SCFD2: variants seen among roughly 807,000 people sequenced by gnomAD.
SCFD2 encodes sec1 family domain containing 2, also known as sec1 family domain-containing protein 2.
SCFD2 carries 54 observed loss-of-function variants against 58.9 expected under a neutral mutation model. That is an observed-to-expected ratio of 0.92 (90% CI 0.74 to 1.15). The LOEUF is 1.15. Among genes scored for constraint, SCFD2 ranks in the 50% most tolerant of loss-of-function variants. The pLI is 0.00. For synonymous variants in SCFD2, 321 were observed against 335.9 expected, an observed-to-expected ratio of 0.96 and a Z score of 0.49; for missense variants, 805 against 836.6, an observed-to-expected ratio of 0.96 and a Z score of 0.47.
chr4:53,125,230 T>C (rs1458248740), intron 5 of SCFD2, among the ~76,000 whole-genome samples: 3 of 152,276 alleles, frequency 2.0e-5, no homozygotes, highest in African/African-American at 4.8e-5. Context: ...ATTTTAGGCA[T>C]AGGAAATGGT....
intron 5 of SCFD2, among the ~76,000 whole-genome samples, chr4:53,046,659 C>G (rs1039351504): frequency 4.6e-5 from 7 of 151,730 alleles, no homozygotes; most frequent in Non-Finnish European, 7.4e-5. Flanking sequence ...AACAAAGCTA[C>G]GTGTTTTTGT....
chr4:52,989,466 CT>C (rs1175255644), intron 5 of SCFD2, among the ~76,000 whole-genome samples: 1 of 152,148 alleles, frequency 6.6e-6, no homozygotes, highest in Non-Finnish European at 1.5e-5. Context: ...AATGTGATAG[CT>C]TAGGAGTTCA....
At chr4:53,179,332 TGGG>T (rs1442955497) in intron 4 of SCFD2, among the ~76,000 whole-genome samples, 1 of 151,870 alleles carries the variant, frequency 6.6e-6, no homozygotes, top group East Asian at 1.9e-4. Context: ...CAGAAGAGAG[TGGG>T]GACCAATATT....
At chr4:52,898,036 T>G (rs1327910697) in intron 7 of SCFD2, among the ~76,000 whole-genome samples, 2 of 152,238 alleles carry the variant, frequency 1.3e-5, no homozygotes, top group Non-Finnish European at 2.9e-5. Flanking sequence ...TCTATTTGAT[T>G]CTTCTCTCTT....
At chr4:53,352,873 T>A in intron 1 of SCFD2, 107 bp from the exon 2 acceptor site, 1 of 998,844 alleles carries the variant, frequency 1.0e-6, no homozygotes, top group Non-Finnish European at 1.5e-6. Context: ...ACATTTTTAG[T>A]TTCTGTTCAA....
At chr4:53,351,274 T>C (rs1560461572) in intron 2 of SCFD2, among the ~76,000 whole-genome samples, 1 of 152,180 alleles carries the variant, frequency 6.6e-6, no homozygotes, top group Non-Finnish European at 1.5e-5. Context: ...CTGACCATTT[T>C]TTGTTTCTAT....
chr4:53,365,298 T>TGCA lies in SCFD2; in HGVS notation c.641_643dup (p.Leu214dup). 1 of 1,614,214 alleles carries TGCA rather than the reference T, an allele frequency of 6.2e-7. No individual in the cohort carries two copies. The highest frequency in any genetic ancestry group is 8.5e-7 in the Non-Finnish European group (1 of 1,180,032). The stretch of plus-strand genomic sequence containing the variant: ...GAGGCCTGACACTAGGCATCTGATC[T>TGCA]GCAGCAGCAGCTCTGGGGTTAGCGT... On this transcript the variant is annotated inframe_insertion, in exon 1 of 9. Coordinates refer to ENST00000401642, the MANE Select transcript of SCFD2 (RefSeq NM_152540.4). This position sits in a 1 kb window ranked among gnomAD's most constrained non-coding sequence, Gnocchi z 4.3.
chr4:52,991,849 T>C (rs1721618358), intron 5 of SCFD2, among the ~76,000 whole-genome samples: 1 of 152,182 alleles, frequency 6.6e-6, no homozygotes, highest in African/African-American at 2.4e-5. Flanking sequence ...TGCCAGTATC[T>C]GTCCCAAAGT....
At chr4:52,981,494 ATGTCAGGGTCAG>A (rs1419053972) in intron 5 of SCFD2, among the ~76,000 whole-genome samples, 1 of 152,172 alleles carries the variant, frequency 6.6e-6, no homozygotes, top group Non-Finnish European at 1.5e-5. Context: ...CTTTCATATT[ATGTCAGGGTCAG>A]TGCTGAGTAG....
chr4:53,141,375 T>C (rs1186158205), intron 5 of SCFD2, among the ~76,000 whole-genome samples: 3 of 152,160 alleles, frequency 2.0e-5, no homozygotes. Context: ...ACTGCAATCA[T>C]CTGAATTACT....
At chr4:53,106,112 C>A (rs969424469) in intron 5 of SCFD2, among the ~76,000 whole-genome samples, 1 of 152,146 alleles carries the variant, frequency 6.6e-6, no homozygotes, top group Non-Finnish European at 1.5e-5. Flanking sequence ...CACTAGCAGA[C>A]CTGCAGCAGA....
At chr4:52,981,018 G>C (rs1226275214) in intron 5 of SCFD2, among the ~76,000 whole-genome samples, 1 of 152,152 alleles carries the variant, frequency 6.6e-6, no homozygotes, top group Admixed American at 6.6e-5. Flanking sequence ...GGTTGGCTCA[G>C]TTTATAAATA....
intron 2 of SCFD2, among the ~76,000 whole-genome samples, chr4:53,329,901 G>A (rs1733370175): frequency 6.6e-6 from 1 of 152,014 alleles, no homozygotes; most frequent in African/African-American, 2.4e-5. Context: ...AGTGCTTAAA[G>A]GAGCTGATGC....
At chr4:53,297,709 G>A (rs1204695163) in intron 3 of SCFD2, among the ~76,000 whole-genome samples, 2 of 152,098 alleles carry the variant, frequency 1.3e-5, no homozygotes. Context: ...GATGCTAGCT[G>A]GTTATTTTGC....
In SCFD2 at chr4:53,290,229, TAG is replaced by T. The variant is rs547129722; in HGVS notation, c.1136-16230_1136-16229del. Among the ~76,000 whole-genome samples the T allele has an allele frequency of 3.7e-3, 566 of 152,250 alleles. 3 individuals carry two copies. The highest frequency in any genetic ancestry group is 6.0e-3 in the Non-Finnish European group (407 of 67,970). On this transcript the variant is annotated intron_variant, in intron 3 of 8. Coordinates refer to ENST00000401642, the MANE Select transcript of SCFD2 (RefSeq NM_152540.4). Reference sequence around the variant, plus strand: ...ATACACTATATGTGAGGCCACAGTATAGGTCTTAACAAACTTAAGAAGATCAC... The same window carrying T: ...ATACACTATATGTGAGGCCACAGTATGTCTTAACAAACTTAAGAAGATCAC...
At chr4:53,003,546 G>A (rs562847519) in intron 5 of SCFD2, among the ~76,000 whole-genome samples, 11 of 152,232 alleles carry the variant, frequency 7.2e-5, no homozygotes, top group Middle Eastern at 3.4e-3. Flanking sequence ...TAGATTTTTA[G>A]AATCTACCAC....
At chr4:53,298,772 G>A (rs186509682) in intron 3 of SCFD2, among the ~76,000 whole-genome samples, 93 of 152,272 alleles carry the variant, frequency 6.1e-4, no homozygotes, top group Middle Eastern at 6.8e-3. Context: ...TCAGGCAGCA[G>A]CATTTGCAGT....
chr4:53,061,984 G>A (rs28570026), intron 5 of SCFD2, among the ~76,000 whole-genome samples: 2,557 of 152,162 alleles, frequency 0.017, 76 homozygotes, highest in African/African-American at 0.059. Flanking sequence ...TGTGATGGCA[G>A]CCTTTAGTCT....
intron 4 of SCFD2, among the ~76,000 whole-genome samples, chr4:53,198,007 G>C (rs1728112412): frequency 6.6e-6 from 1 of 151,996 alleles, no homozygotes; most frequent in Admixed American, 6.6e-5. Context: ...TTAATGCTTG[G>C]CTTCCAATGA....
Sources: gnomAD v4.1 joint callset for allele counts (sites outside exome capture counted in the v4.1 genomes callset) on GRCh38, gnomAD v4.1.1 for gene constraint, Gnocchi (gnomAD v3.1) non-coding constraint, MANE v1.5 for transcripts, NCBI Gene and HGNC (gene_info 2026-07-23, HGNC 2026-07-21) for gene names.